ADGRV1: variants seen among roughly 807,000 people sequenced by gnomAD.
ADGRV1 encodes G-protein coupled receptor 98.
A neutral mutation model predicts 596.2 loss-of-function variants in ADGRV1; 359 were observed. The observed-to-expected ratio is 0.60, with a 90% CI of 0.55 to 0.66. ADGRV1 has a LOEUF of 0.66. Ranked by LOEUF, ADGRV1 falls within the 30% of genes least tolerant of loss-of-function variation. The probability of loss-of-function intolerance (pLI) is 0.00; values close to 1 mark genes in which losing one functional copy is unlikely to be tolerated. For missense variants in ADGRV1, 7,274 were observed against 7,575.6 expected (o/e 0.96, Z 1.48); for synonymous variants, 2,681 against 2,679.2 (o/e 1.00, Z -0.02).
rs189981450 is a variant in ADGRV1 at position 90,759,289 on chromosome 5, C to T, written c.11941-120C>T. 3.2e-4 allele frequency: 233 copies of T among 723,610 alleles called. 1 individual carries two copies. The highest frequency in any genetic ancestry group is 2.5e-3 in the Middle Eastern group (8 of 3,170). The allele number at this position is 723,610 out of a possible 1,614,324, so 44.8% of individuals were successfully genotyped here. Reference sequence around the variant, plus strand: ...ACCATGTTTCTGAGATTTTTGGTTTCAACTAAAAAATTAAAATATATGTCA... The same window carrying T: ...ACCATGTTTCTGAGATTTTTGGTTTTAACTAAAAAATTAAAATATATGTCA... On this transcript the variant is annotated intron_variant, in intron 57 of 89. Transcript: ENST00000405460.
At chr5:91,057,149 C>G (rs745704118) in intron 85 of ADGRV1, among the ~76,000 whole-genome samples, 10 of 152,184 alleles carry the variant, frequency 6.6e-5, no homozygotes, top group Admixed American at 3.3e-4. Context: ...GCAGCCCTGA[C>G]CTTTACGAAA....
rs766566848 is a variant in ADGRV1 at position 90,848,735 on chromosome 5, T to C, written c.17118T>C (p.Thr5706=). The change falls in exon 79 of 90, where the codon ACT becomes ACC. Residue 5706 remains threonine, a synonymous_variant. Coordinates refer to ENST00000405460, the MANE Select transcript of ADGRV1 (RefSeq NM_032119.4). ...TTATTAACCCAAAGCGCAAGGACACTAGGGGATTCAGTCACTTTGCTGAAG... is the reference window on the plus strand; with the variant it reads ...TTATTAACCCAAAGCGCAAGGACACCAGGGGATTCAGTCACTTTGCTGAAG... ...CSLINPKRKD[T]RGFSHFAEVT... 40 of 1,591,704 alleles carry C rather than the reference T, an allele frequency of 2.5e-5. No homozygotes were observed. In the South Asian group the frequency reaches 4.6e-4, roughly 18 times the overall value.
chr5:91,003,409 A>G (rs1336137946), intron 85 of ADGRV1, among the ~76,000 whole-genome samples: 3 of 152,196 alleles, frequency 2.0e-5, no homozygotes, highest in African/African-American at 7.2e-5. Context: ...CTGCTCTGAA[A>G]CATACGCTAG....
intron 86 of ADGRV1, among the ~76,000 whole-genome samples, chr5:91,099,824 A>G (rs1791211947): frequency 6.6e-6 from 1 of 152,184 alleles, no homozygotes; most frequent in African/African-American, 2.4e-5. Flanking sequence ...TGAACTAATG[A>G]ATTTCAATAT....
At chr5:91,160,073 G>GC (rs1371851567) in intron 89 of ADGRV1, among the ~76,000 whole-genome samples, 1 of 152,174 alleles carries the variant, frequency 6.6e-6, no homozygotes, top group Non-Finnish European at 1.5e-5. Flanking sequence ...GTTATCCCAG[G>GC]CCAATGACAT....
chr5:90,709,931 C>G (rs1282016886), intron 39 of ADGRV1, among the ~76,000 whole-genome samples: 1 of 152,202 alleles, frequency 6.6e-6, no homozygotes, highest in Non-Finnish European at 1.5e-5. Context: ...AATATCATTA[C>G]TTACATTCTT....
intron 87 of ADGRV1, among the ~76,000 whole-genome samples, chr5:91,140,035 T>G (rs1468461731): frequency 2.0e-5 from 3 of 152,210 alleles, no homozygotes; most frequent in African/African-American, 7.2e-5. Flanking sequence ...GCACTCAGCT[T>G]TTTTTCTCTA....
At chr5:91,127,802 C>T (rs1160691727) in intron 87 of ADGRV1, among the ~76,000 whole-genome samples, 1 of 152,130 alleles carries the variant, frequency 6.6e-6, no homozygotes, top group African/African-American at 2.4e-5. Flanking sequence ...GGGATGTTTT[C>T]AAATTCAACA....
At chr5:90,944,142 A>G (rs1350074560) in intron 83 of ADGRV1, among the ~76,000 whole-genome samples, 1 of 152,202 alleles carries the variant, frequency 6.6e-6, no homozygotes, top group Admixed American at 6.5e-5. Context: ...TTTGATACCT[A>G]AAAGCTAACC....
At chr5:90,608,568 C>T (rs1762375727) in intron 1 of ADGRV1, among the ~76,000 whole-genome samples, 1 of 152,116 alleles carries the variant, frequency 6.6e-6, no homozygotes, top group South Asian at 2.1e-4. Context: ...CAATTCTATA[C>T]TCAATTAAAC....
intron 86 of ADGRV1, among the ~76,000 whole-genome samples, chr5:91,095,206 A>AT (rs561153977): frequency 0.021 from 3,101 of 147,514 alleles, 79 homozygotes; most frequent in African/African-American, 0.069. Flanking sequence ...CAAACCCAGT[A>AT]TTTTTTTTTT....
chr5:90,625,200 G>A lies in ADGRV1; in HGVS notation c.629G>A (p.Gly210Asp), dbSNP rs1214561245. The change falls in exon 6 of 90, where the codon GGC (glycine) becomes GAC (aspartate). Residue 210 changes from glycine (G) to aspartate (D), a missense_variant. By Grantham distance (94) the Gly-to-Asp change is moderately conservative. Coordinates refer to ENST00000405460, the MANE Select transcript of ADGRV1 (RefSeq NM_032119.4). ...PVKGNITFPP[G>D]RATVIYNLTV... ...AAAGGAAATATCACCTTTCCCCCTGGCAGAGCAACAGTAATTTATAACTTG... is the reference window on the plus strand; with the variant it reads ...AAAGGAAATATCACCTTTCCCCCTGACAGAGCAACAGTAATTTATAACTTG... 6.2e-7 allele frequency: 1 copy of A among 1,613,604 alleles called. No individual in the cohort carries two copies. The highest frequency in any genetic ancestry group is 1.7e-5 in the Admixed American group (1 of 60,004).
At chr5:90,831,262 C>T (rs766523978) in intron 77 of ADGRV1, among the ~76,000 whole-genome samples, 3 of 150,206 alleles carry the variant, frequency 2.0e-5, no homozygotes, top group South Asian at 2.1e-4. Flanking sequence ...CACACACATA[C>T]GTATATATAC....
In ADGRV1 at chr5:90,745,775, G is replaced by A. The variant is rs1754557727; in HGVS notation, c.10954G>A (p.Gly3652Arg). 1 of 1,604,728 alleles carries A rather than the reference G, an allele frequency of 6.2e-7. No homozygotes were observed. Among genetic ancestry groups the A allele is most frequent in the Non-Finnish European group, 8.5e-7 (1 of 1,172,806 alleles). ...ITILSNDDAY[G>R]IVAFAQNSLY... is the part of the protein sequence containing the mutation. Reference sequence around the variant, plus strand: ...CATTCTGTCTAATGATGATGCCTATGGAATTGTTGCATTTGCTCAGGTAAT... The same window carrying A: ...CATTCTGTCTAATGATGATGCCTATAGAATTGTTGCATTTGCTCAGGTAAT... The change falls in exon 52 of 90, where the codon GGA becomes AGA. Residue 3652 changes from glycine (G) to arginine (R), a missense_variant. Transcript: ENST00000405460.
At chr5:90,595,667 C>T (rs1462116871) in intron 1 of ADGRV1, among the ~76,000 whole-genome samples, 1 of 129,820 alleles carries the variant, frequency 7.7e-6, no homozygotes, top group South Asian at 2.5e-4. Flanking sequence ...GGGAACTGAC[C>T]CCCCCACCTC....
intron 83 of ADGRV1, among the ~76,000 whole-genome samples, chr5:90,932,997 G>T (rs1276662493): frequency 6.6e-6 from 1 of 152,120 alleles, no homozygotes; most frequent in East Asian, 1.9e-4. Flanking sequence ...AGAGTTATTA[G>T]TGATCCCGGA....
chr5:90,651,632 A>G lies in ADGRV1; in HGVS notation c.3318A>G (p.Val1106=). 2 of 1,603,824 alleles carry G rather than the reference A, an allele frequency of 1.2e-6. No individual in the cohort carries two copies. Among genetic ancestry groups the G allele is most frequent in the Non-Finnish European group, 1.7e-6 (2 of 1,171,330 alleles). ...ATACAGTAGTATATCAATATGGAGT[A>G]GCTACAGTAATAATTGAAGCTAATG... The part of the protein sequence containing the change: ...TGDTVVYQYG[V]ATVIIEANDD... The change falls in exon 18 of 90, where the codon GTA becomes GTG. Residue 1106 remains valine (V), a synonymous_variant. Transcript: ENST00000405460.
chr5:90,614,434 T>A (rs116714351), intron 1 of ADGRV1, among the ~76,000 whole-genome samples: 10,756 of 152,176 alleles, frequency 0.071, 441 homozygotes, highest in Non-Finnish European at 0.093. Context: ...TTCAACTGTT[T>A]CAGTTTTGGC....
At chr5:90,874,439 G>A (rs559084103) in intron 83 of ADGRV1, among the ~76,000 whole-genome samples, 101 of 151,980 alleles carry the variant, frequency 6.6e-4, no homozygotes, top group Non-Finnish European at 9.4e-4. Flanking sequence ...TTCATGTATT[G>A]TATTCTGTCT....
Sources: allele counts gnomAD v4.1 joint callset (sites outside exome capture counted in the v4.1 genomes callset), GRCh38; gene constraint gnomAD v4.1.1; transcripts MANE v1.5; gene names NCBI Gene and HGNC (gene_info 2026-07-23, HGNC 2026-07-21).